Variants in HPSE2 observed in about 807,000 individuals in gnomAD.
The protein encoded by HPSE2 is inactive heparanase-2.
Under a neutral mutation model 60.5 loss-of-function variants are expected in HPSE2, and 38 were observed. The observed-to-expected ratio is 0.63, with a 90% CI of 0.48 to 0.82. The LOEUF (loss-of-function observed/expected upper bound fraction) is 0.82. Among genes scored for constraint, HPSE2 ranks in the 40% least tolerant of loss-of-function variants. The pLI is 0.00. For missense variants in HPSE2, 713 were observed against 740.4 expected (o/e 0.96, Z 0.43); for synonymous variants, 295 against 293.2 (o/e 1.01, Z -0.06).
intron 2 of HPSE2, among the ~76,000 whole-genome samples, chr10:99,198,531 T>C (rs1313108886): frequency 2.6e-5 from 4 of 152,174 alleles, no homozygotes; most frequent in Admixed American, 1.3e-4. Context: ...TATGATACCA[T>C]AAATAATAAC....
At chr10:98,708,273 T>C (rs903107826) in intron 5 of HPSE2, among the ~76,000 whole-genome samples, 3 of 152,026 alleles carry the variant, frequency 2.0e-5, no homozygotes, top group African/African-American at 7.2e-5. Flanking sequence ...TCACTAACAA[T>C]GTGAAACCCT....
chr10:98,918,801 C>A (rs866017506), intron 3 of HPSE2, among the ~76,000 whole-genome samples: 10 of 150,536 alleles, frequency 6.6e-5, no homozygotes, highest in Non-Finnish European at 1.2e-4. Context: ...GCACATTGTG[C>A]ACATGTACCC....
chr10:98,602,832 G>A (rs1042732405), intron 9 of HPSE2, among the ~76,000 whole-genome samples: 1 of 152,086 alleles, frequency 6.6e-6, no homozygotes, highest in African/African-American at 2.4e-5. Flanking sequence ...CTAAAGATAG[G>A]AGAGCTACAA....
chr10:98,581,108 T>C (rs901428670), intron 9 of HPSE2, among the ~76,000 whole-genome samples: 1 of 151,864 alleles, frequency 6.6e-6, no homozygotes. Flanking sequence ...GCCTGGCTAA[T>C]TTTTGTGTTT....
intron 6 of HPSE2, among the ~76,000 whole-genome samples, chr10:98,643,845 A>G (rs1200780831): frequency 6.6e-6 from 1 of 152,246 alleles, no homozygotes; most frequent in African/African-American, 2.4e-5. Context: ...ACTATATTAT[A>G]TGGTGACCAG....
chr10:98,622,974 TA>T (rs987446761), intron 7 of HPSE2, among the ~76,000 whole-genome samples: 76 of 152,242 alleles, frequency 5.0e-4, no homozygotes, highest in Non-Finnish European at 7.6e-4. Context: ...AATATAGTGC[TA>T]AAAAAATCTG....
At chr10:98,960,389 G>A (rs764577247) in intron 3 of HPSE2, among the ~76,000 whole-genome samples, 7 of 152,012 alleles carry the variant, frequency 4.6e-5, no homozygotes, top group Non-Finnish European at 1.0e-4. Flanking sequence ...TATGGCAACT[G>A]AATTGTTTTT....
chr10:98,957,225 A>C (rs1471544290), intron 3 of HPSE2, among the ~76,000 whole-genome samples: 1 of 152,188 alleles, frequency 6.6e-6, no homozygotes, highest in African/African-American at 2.4e-5. Flanking sequence ...AAAGCATGCT[A>C]TATGAAGGAT....
At chr10:98,540,097 T>C (rs1426412684) in intron 9 of HPSE2, among the ~76,000 whole-genome samples, 1 of 152,232 alleles carries the variant, frequency 6.6e-6, no homozygotes, top group Non-Finnish European at 1.5e-5. Context: ...TGGTTCTGAA[T>C]AGGGCTAGAA....
Position 99,013,319 on chromosome 10 carries a change from A to G in HPSE2, c.610+130919T>C, listed in dbSNP as rs556264266. 2.4e-5 allele frequency: 15 copies of G among 619,662 alleles called. No homozygotes were observed. The Admixed American group carries it at 2.7e-4, about 11-fold the overall frequency. The allele number at this position is 619,662 out of a possible 1,614,324, so 38.4% of individuals were successfully genotyped here. On this transcript the variant is annotated intron_variant, in intron 3 of 11. Transcript: ENST00000370552. Reference sequence around the variant, plus strand: ...TTAGGTCCTCATGTGCTAACATTTTATAGAGTTCTCTAGTTACAGAAATCC... The same window carrying G: ...TTAGGTCCTCATGTGCTAACATTTTGTAGAGTTCTCTAGTTACAGAAATCC...
intron 3 of HPSE2, among the ~76,000 whole-genome samples, chr10:99,090,234 T>C (rs561602070): frequency 1.3e-5 from 2 of 152,244 alleles, no homozygotes; most frequent in East Asian, 3.9e-4. Context: ...CTAGCCCCCC[T>C]TTCCTGCTGT....
chr10:98,831,877 T>C (rs912914328), intron 3 of HPSE2, among the ~76,000 whole-genome samples: 1 of 152,168 alleles, frequency 6.6e-6, no homozygotes, highest in East Asian at 1.9e-4. Flanking sequence ...AATAAATAAA[T>C]AAATAGACTT....
At chr10:99,145,148 A>G (rs997354539) in intron 2 of HPSE2, among the ~76,000 whole-genome samples, 1 of 152,186 alleles carries the variant, frequency 6.6e-6, no homozygotes, top group African/African-American at 2.4e-5. Flanking sequence ...AGCTTCCTCA[A>G]AAAGAAAAAT....
At chr10:99,132,146 G>T (rs58193611) in intron 3 of HPSE2, among the ~76,000 whole-genome samples, 1 of 28,482 alleles carries the variant, frequency 3.5e-5, no homozygotes, top group Non-Finnish European at 8.9e-5. Context: ...AGAAAGAAAG[G>T]AAGAAAGAAA....
chr10:99,139,243 A>G (rs923493882), intron 3 of HPSE2, among the ~76,000 whole-genome samples: 1 of 152,174 alleles, frequency 6.6e-6, no homozygotes, highest in African/African-American at 2.4e-5. Context: ...ATGGGTTTGC[A>G]AAGGCATACA....
chr10:98,972,830 A>G (rs1324557841), intron 3 of HPSE2, among the ~76,000 whole-genome samples: 1 of 152,154 alleles, frequency 6.6e-6, no homozygotes, highest in Non-Finnish European at 1.5e-5. Context: ...AGCATTTTAC[A>G]TTCCCAGAAA....
chr10:99,134,758 G>A lies in HPSE2; in HGVS notation c.610+9480C>T, dbSNP rs1022623224. Reference sequence around the variant, plus strand: ...AAAGGAACAACTGGTATCAGCCACGGCAAAAACATACCAAATTGTAAGAGC... The same window carrying A: ...AAAGGAACAACTGGTATCAGCCACGACAAAAACATACCAAATTGTAAGAGC... On this transcript the variant is annotated intron_variant, in intron 3 of 11. Coordinates refer to ENST00000370552, the MANE Select transcript of HPSE2 (RefSeq NM_021828.5). Among the ~76,000 whole-genome samples, 4 of 152,148 alleles carry A rather than the reference G, an allele frequency of 2.6e-5. No individual in the cohort carries two copies. The South Asian group carries it at 6.2e-4, about 24-fold the overall frequency.
chr10:98,665,602 T>TA (rs1323094667), intron 6 of HPSE2, among the ~76,000 whole-genome samples: 1 of 152,134 alleles, frequency 6.6e-6, no homozygotes, highest in Non-Finnish European at 1.5e-5. Flanking sequence ...GCAGAAAACT[T>TA]ACAAGCCAGA....
intron 2 of HPSE2, among the ~76,000 whole-genome samples, chr10:99,208,746 A>G (rs559518787): frequency 6.6e-6 from 1 of 152,198 alleles, no homozygotes; most frequent in Non-Finnish European, 1.5e-5. Flanking sequence ...AAAATACTCA[A>G]CTAAATGCTG....
Sources: allele counts gnomAD v4.1 joint callset (sites outside exome capture counted in the v4.1 genomes callset), GRCh38; gene constraint gnomAD v4.1.1; transcripts MANE v1.5; gene names NCBI Gene and HGNC (gene_info 2026-07-23, HGNC 2026-07-21).